The following PRKCE variants were observed in gnomAD, a reference collection of about 807,000 sequenced individuals.
PRKCE encodes the protein protein kinase C epsilon type.
PRKCE carries 16 observed loss-of-function variants against 85.4 expected under a neutral mutation model. The ratio of observed to expected loss-of-function variants is 0.19; its 90% CI spans 0.13 to 0.28. PRKCE has a LOEUF of 0.28. PRKCE is among the 10% of genes least tolerant of loss of function. The probability of loss-of-function intolerance (pLI) is 1.00; values close to 1 mark genes in which losing one functional copy is unlikely to be tolerated. For synonymous variants in PRKCE, 388 were observed against 371.5 expected (o/e 1.04, Z -0.51); for missense variants, 573 against 975.2 (o/e 0.59, Z 5.49).
intron 10 of PRKCE, among the ~76,000 whole-genome samples, chr2:46,033,099 A>G (rs930038288): frequency 2.0e-5 from 3 of 152,232 alleles, no homozygotes; most frequent in Admixed American, 6.5e-5. Flanking sequence ...TTATGACGCA[A>G]TGACAAGAAG....
chr2:46,061,949 C>T (rs1315562717), intron 10 of PRKCE, among the ~76,000 whole-genome samples: 3 of 150,432 alleles, frequency 2.0e-5, no homozygotes, highest in Admixed American at 1.3e-4. Flanking sequence ...CTCCGCCTCC[C>T]GGGTTCGGGT....
intron 2 of PRKCE, among the ~76,000 whole-genome samples, chr2:45,933,505 G>A (rs1030773223): frequency 2.7e-5 from 3 of 110,746 alleles, no homozygotes; most frequent in Admixed American, 1.4e-4. Flanking sequence ...ACTGAGTCTC[G>A]CTCTGCCGCC....
chr2:46,158,418 G>A (rs1418644177), intron 13 of PRKCE, among the ~76,000 whole-genome samples: 4 of 152,198 alleles, frequency 2.6e-5, no homozygotes, highest in Admixed American at 2.6e-4. Context: ...AGGTGTTAAA[G>A]TGGGGGTCAC....
At chr2:46,133,045 C>T (rs1021507415) in intron 11 of PRKCE, among the ~76,000 whole-genome samples, 1 of 152,194 alleles carries the variant, frequency 6.6e-6, no homozygotes, top group Non-Finnish European at 1.5e-5. Context: ...TAGCACGTGG[C>T]TCCTTATGTG....
At chr2:45,801,509 G>T (rs554161500) in intron 1 of PRKCE, among the ~76,000 whole-genome samples, 1 of 30,928 alleles carries the variant, frequency 3.2e-5, no homozygotes, top group East Asian at 2.3e-3. Context: ...AGTGCTGAGG[G>T]TGAGGGTGAG....
chr2:46,015,049 G>T (rs1271486024), intron 10 of PRKCE, among the ~76,000 whole-genome samples: 1 of 152,150 alleles, frequency 6.6e-6, no homozygotes, highest in Non-Finnish European at 1.5e-5. Context: ...GATGCCTATC[G>T]GTAGAGGAGG....
chr2:46,152,684 G>C (rs909815232), intron 13 of PRKCE, among the ~76,000 whole-genome samples: 28 of 151,726 alleles, frequency 1.8e-4, no homozygotes, highest in Admixed American at 1.8e-3. Context: ...GAGTAGCTAG[G>C]ATTACAGGCG....
intron 2 of PRKCE, among the ~76,000 whole-genome samples, chr2:45,900,426 A>G (rs1418979451): frequency 6.6e-6 from 1 of 152,234 alleles, no homozygotes; most frequent in Non-Finnish European, 1.5e-5. Context: ...GTGGAATATT[A>G]TTCACCCCCA....
In PRKCE at chr2:45,760,310, G is replaced by C. The variant is rs145575022; in HGVS notation, c.349-82690G>C. 1.7e-3 allele frequency among the ~76,000 whole-genome samples: 260 copies of C among 152,306 alleles called. 2 individuals carry two copies. The highest frequency in any genetic ancestry group is 6.0e-3 in the African/African-American group (249 of 41,554). The stretch of plus-strand genomic sequence containing the variant: ...GAAAGTGGCTAGTATGGTTGCTCCA[G>C]TTGAGCACTGGATTTGGTTTTGCAC... On this transcript the variant is annotated intron_variant, in intron 1 of 14. Transcript: ENST00000306156.
At chr2:45,752,809 C>T (rs887948067) in intron 1 of PRKCE, among the ~76,000 whole-genome samples, 2 of 152,144 alleles carry the variant, frequency 1.3e-5, no homozygotes, top group African/African-American at 4.8e-5. Context: ...CCAGCCACAG[C>T]CAGAGACAGA....
At chr2:45,946,706 A>G (rs1473613763) in intron 2 of PRKCE, among the ~76,000 whole-genome samples, 1 of 152,228 alleles carries the variant, frequency 6.6e-6, no homozygotes, top group Non-Finnish European at 1.5e-5. Context: ...TAAAGGTACC[A>G]ATATGACATG....
At chr2:45,783,585 G>T (rs959271086) in intron 1 of PRKCE, among the ~76,000 whole-genome samples, 2 of 152,216 alleles carry the variant, frequency 1.3e-5, no homozygotes, top group African/African-American at 4.8e-5. Flanking sequence ...TTGTATGGAA[G>T]TCGTTCTCTT....
chr2:45,692,853 C>A (rs980309686), intron 1 of PRKCE, among the ~76,000 whole-genome samples: 2 of 152,050 alleles, frequency 1.3e-5, no homozygotes, highest in South Asian at 2.1e-4. Context: ...CATGTGGGCT[C>A]GAGGGATGAG....
Position 46,160,713 on chromosome 2 carries a change from G to A in PRKCE, c.2067+961G>A, listed in dbSNP as rs72879793. Among the ~76,000 whole-genome samples, 180 of 152,330 alleles carry A rather than the reference G, an allele frequency of 1.2e-3. 2 individuals carry two copies. The highest frequency in any genetic ancestry group is 4.1e-3 in the African/African-American group (169 of 41,574). On this transcript the variant is annotated intron_variant, in intron 14 of 14. Coordinates refer to ENST00000306156, the MANE Select transcript of PRKCE (RefSeq NM_005400.3). ...AGTCACCCAGCATACTGTCAGATGA[G>A]CTCCTGCTCCCCTTCTCCAAGTGCA... is the stretch of plus-strand genomic sequence containing the variant.
chr2:45,764,942 C>G (rs540127870), intron 1 of PRKCE, among the ~76,000 whole-genome samples: 1 of 152,198 alleles, frequency 6.6e-6, no homozygotes, highest in African/African-American at 2.4e-5. Context: ...TCTCTGGCAT[C>G]TCTCAGGTCT....
At chr2:45,830,217 A>G (rs1690302454) in intron 1 of PRKCE, among the ~76,000 whole-genome samples, 1 of 152,194 alleles carries the variant, frequency 6.6e-6, no homozygotes, top group South Asian at 2.1e-4. Context: ...TCTAATGGCC[A>G]GATCCCACCA....
intron 14 of PRKCE, among the ~76,000 whole-genome samples, chr2:46,178,984 A>G (rs281468): frequency 0.82 from 125,350 of 152,064 alleles, 52,108 homozygotes; most frequent in East Asian, 0.96. Context: ...GCTGGCATTT[A>G]GGAGACCACG....
chr2:46,073,559 G>A (rs145350844), intron 10 of PRKCE: 7 of 152,220 alleles, frequency 4.6e-5, no homozygotes, highest in African/African-American at 1.4e-4. Flanking sequence ...CTCAGTCAGC[G>A]TTCAGTGTAG....
chr2:45,716,710 G>GAAGA, intron 1 of PRKCE, among the ~76,000 whole-genome samples: 1 of 115,936 alleles, frequency 8.6e-6, no homozygotes, highest in Non-Finnish European at 1.9e-5. Context: ...AAGGAAGGAA[G>GAAGA]GAAGGAAGGA....
Sources: allele counts gnomAD v4.1 joint callset (sites outside exome capture counted in the v4.1 genomes callset), GRCh38; gene constraint gnomAD v4.1.1; transcripts MANE v1.5; gene names NCBI Gene and HGNC (gene_info 2026-07-23, HGNC 2026-07-21).